CELSR1: variants seen among roughly 807,000 people sequenced by gnomAD.
CELSR1 encodes the protein adhesion G protein-coupled receptor C1.
Under a neutral mutation model 249.1 loss-of-function variants are expected in CELSR1, and 110 were observed. That is an observed-to-expected ratio of 0.44 (90% CI 0.38 to 0.52). The LOEUF is 0.52. Among genes scored for constraint, CELSR1 ranks in the 20% least tolerant of loss-of-function variants. The pLI is 0.00. For missense variants in CELSR1, 4,109 were observed against 4,296.4 expected (o/e 0.96, Z 1.22); for synonymous variants, 2,113 against 1,900.0 (o/e 1.11, Z -2.92).
chr22:46,367,280 TCTGGAGGCCAGGTGGGGGAG>T (rs2078796518), intron 28 of CELSR1, among the ~76,000 whole-genome samples, 162 bp from the exon 29 acceptor site: 1 of 152,228 alleles, frequency 6.6e-6, no homozygotes, highest in South Asian at 2.1e-4. Context: ...ACTGCTGCTA[TCTGGAGGCCAGGTGGGGGAG>T]CTCAGAAACT....
intron 1 of CELSR1, among the ~76,000 whole-genome samples, chr22:46,492,550 G>A (rs1311711359): frequency 2.0e-5 from 3 of 152,096 alleles, no homozygotes; most frequent in East Asian, 1.9e-4. Flanking sequence ...GGGGCCAGGC[G>A]CAGTGGCTCA....
At chr22:46,511,937 G>T (rs966420085) in intron 1 of CELSR1, among the ~76,000 whole-genome samples, 7 of 152,150 alleles carry the variant, frequency 4.6e-5, no homozygotes, top group African/African-American at 1.7e-4. Flanking sequence ...AGCATCCCCT[G>T]CCCGGATGAC....
intron 1 of CELSR1, among the ~76,000 whole-genome samples, chr22:46,515,611 C>CA (rs2080618957): frequency 6.6e-6 from 1 of 152,162 alleles, no homozygotes; most frequent in African/African-American, 2.4e-5. Flanking sequence ...GGACGGGCCT[C>CA]AGTCACACAG....
intron 4 of CELSR1, among the ~76,000 whole-genome samples, chr22:46,435,965 C>T (rs1292512981): frequency 1.3e-5 from 2 of 152,186 alleles, no homozygotes; most frequent in Non-Finnish European, 2.9e-5. Flanking sequence ...TCCCAAAGTG[C>T]TGGGATTACA....
chr22:46,414,013 C>A (rs1200527186), intron 5 of CELSR1, among the ~76,000 whole-genome samples: 1 of 152,178 alleles, frequency 6.6e-6, no homozygotes, highest in African/African-American at 2.4e-5. Flanking sequence ...CTGTAAACTG[C>A]TGCTGGTAAT....
rs1415777556 is a variant in CELSR1 at position 46,439,384 on chromosome 22, G to A, written c.4211C>T (p.Ser1404Leu). 3 of 1,613,406 alleles carry A rather than the reference G, an allele frequency of 1.9e-6. No individual in the cohort carries two copies. Among genetic ancestry groups the A allele is most frequent in the South Asian group, 2.2e-5 (2 of 91,062 alleles). ...GCACACCCCGTTGGCACAGCGGCCT[G>A]AGCGGGCATCCACCTCACAGTGCTC... ...TGEHCEVDAR[S>L]GRCANGVCKN... is the part of the protein sequence containing the mutation. The change falls in exon 3 of 35, where the codon TCA (serine) becomes TTA (leucine). Residue 1404 changes from serine (S) to leucine (L), a missense_variant. This residue lies in a region of CELSR1 where 453 missense variants were observed against 492.0 expected (regional missense o/e 0.92). Transcript: ENST00000674500.
intron 24 of CELSR1, 116 bp from the exon 25 acceptor site, chr22:46,373,173 G>C (rs2078875034): frequency 1.8e-6 from 2 of 1,099,204 alleles, no homozygotes; most frequent in East Asian, 5.5e-5. Flanking sequence ...CTATGTGTCT[G>C]TCCTCAGCTG....
At chr22:46,426,713 T>A (rs1235546363) in intron 5 of CELSR1, among the ~76,000 whole-genome samples, 1 of 152,036 alleles carries the variant, frequency 6.6e-6, no homozygotes, top group Non-Finnish European at 1.5e-5. Context: ...TAGGAGGTGG[T>A]AAAGTCATGA....
Position 46,434,539 on chromosome 22 carries a change from A to G in CELSR1, c.4523-1058T>C, listed in dbSNP as rs2079635448. 6.6e-6 allele frequency among the ~76,000 whole-genome samples: 1 copy of G among 152,368 alleles called. No homozygotes were observed. The highest frequency in any genetic ancestry group is 1.9e-4 in the East Asian group (1 of 5,194). ...TCCCATGGTGGTTGGCTGCTGTTAC[A>G]GGTGCCTCCCTTTCTTTATTGAGTA... On this transcript the variant is annotated intron_variant, in intron 4 of 34. Transcript: ENST00000674500. This position sits in a 1 kb window ranked among gnomAD's most constrained non-coding sequence, Gnocchi z 4.9.
Position 46,397,755 on chromosome 22 carries a change from C to T in CELSR1, c.5620G>A (p.Asp1874Asn), listed in dbSNP as rs141922879. The T allele has an allele frequency of 4.3e-5, 69 of 1,599,952 alleles. No homozygotes were observed. In the African/African-American group the frequency reaches 8.1e-4, roughly 19 times the overall value. The change falls in exon 12 of 35, where the codon GAC becomes AAC. Residue 1874 changes from aspartate (D) to asparagine (N), a missense_variant. Physicochemically the swap from Asp to Asn is conservative, Grantham distance 23. Around this residue, in one of 7 missense-constraint regions of CELSR1, gnomAD observed 1,805 missense variants for 1,831.6 expected, o/e 0.99. Coordinates refer to ENST00000674500, the MANE Select transcript of CELSR1 (RefSeq NM_001378328.1). ...GGACAGGGGCTCGAGGTACAGGGGT[C>T]GTCCACATCACAGCCGTCCTTCACC... ...VRVKDGCDVD[D>N]PCTSSPCPPN...
rs1051719458 is a variant in CELSR1 at position 46,459,501 on chromosome 22, G to A, written c.4183+4206C>T. ...TCTAAGCTGGTAAACCTGGCCGGCC[G>A]TTGACCCTCGAGGGTCTACAGCTGC... is the stretch of plus-strand genomic sequence containing the variant. On this transcript the variant is annotated intron_variant, in intron 2 of 34. Transcript: ENST00000674500. Among the ~76,000 whole-genome samples, 12 of 152,348 alleles carry A rather than the reference G, an allele frequency of 7.9e-5. No individual in the cohort carries two copies. In the South Asian group the frequency reaches 1.4e-3, roughly 18 times the overall value.
Position 46,474,788 on chromosome 22 carries a change from C to CTT in CELSR1, c.3545-10445_3545-10444dup, listed in dbSNP as rs55932520. Among the ~76,000 whole-genome samples the CTT allele has an allele frequency of 1.0e-4, 9 of 89,622 alleles. 1 individual carries two copies. Among genetic ancestry groups the CTT allele is most frequent in the Non-Finnish European group, 1.8e-4 (9 of 50,860 alleles). The allele number at this position is 89,622 out of a possible 152,430, so 58.8% of individuals were successfully genotyped here. A position where few individuals can be genotyped will look rare whatever the true frequency, so the allele number is the denominator to read the frequency against. On this transcript the variant is annotated intron_variant, in intron 1 of 34. Coordinates refer to ENST00000674500, the MANE Select transcript of CELSR1 (RefSeq NM_001378328.1). ...GTGACCATTATTCTACTCTCTACTT[C>CTT]TTTTTTTTTTTTTTTTTTGAGACGG...
intron 1 of CELSR1, among the ~76,000 whole-genome samples, chr22:46,474,834 C>T (rs1039670106): frequency 1.6e-5 from 2 of 122,616 alleles, no homozygotes; most frequent in African/African-American, 6.2e-5. Context: ...TGTCATCCAC[C>T]CTGAACTCAA....
chr22:46,509,098 C>T (rs1048626221), intron 1 of CELSR1, among the ~76,000 whole-genome samples: 1 of 152,214 alleles, frequency 6.6e-6, no homozygotes, highest in Admixed American at 6.5e-5. Context: ...GTATCTGGCA[C>T]CCCTCCAGTG....
rs896143135 is a variant in CELSR1, at chr22:46,429,248, A to G, written c.4611+4145T>C. On this transcript the variant is annotated intron_variant, in intron 5 of 34. Transcript: ENST00000674500. This position sits in a 1 kb window ranked among gnomAD's most constrained non-coding sequence, Gnocchi z 4.1. ...GCAAACACTTAAGCATAATGAGGGC[A>G]AAACCGATTCTCAAGTGGGGAGAAC... Among the ~76,000 whole-genome samples, 5 of 152,204 alleles carry G rather than the reference A, an allele frequency of 3.3e-5. No individual in the cohort carries two copies. The highest frequency in any genetic ancestry group is 6.5e-5 in the Admixed American group (1 of 15,278).
rs2079359900 is a variant in CELSR1, at chr22:46,413,326, G to C, written c.4612-1567C>G. ...GATGGCCAAGTTGCATGACTTCTGG[G>C]GACCCTGGACACCCAGGCAGCACGC... On this transcript the variant is annotated intron_variant, in intron 5 of 34. Transcript: ENST00000674500. The surrounding 1 kb of genome is among the most constrained non-coding windows in gnomAD (Gnocchi z 4.7). Among the ~76,000 whole-genome samples the C allele has an allele frequency of 6.6e-6, 1 of 152,178 alleles. No individual in the cohort carries two copies. Among genetic ancestry groups the C allele is most frequent in the African/African-American group, 2.4e-5 (1 of 41,436 alleles).
intron 3 of CELSR1, among the ~76,000 whole-genome samples, chr22:46,438,687 C>T (rs573013212): frequency 3.1e-4 from 47 of 152,246 alleles, no homozygotes; most frequent in Admixed American, 3.9e-4. Context: ...TCACCAGAGG[C>T]TGGGGAGGGA....
At position 46,399,721 on chromosome 22, in the gene CELSR1, T is replaced by C. The variant is rs763887067; in HGVS notation, c.5408A>G (p.Asp1803Gly). 1 of 1,613,856 alleles carries C rather than the reference T, an allele frequency of 6.2e-7. No individual in the cohort carries two copies. Among genetic ancestry groups the C allele is most frequent in the East Asian group, 2.2e-5 (1 of 44,874 alleles). ...GAGGTGCAGGTGCCAGCTCACCTGG[T>C]CCATCCCATAGTCCAAGGTCATGGT... Reference protein sequence around the residue: ...LVTMTLDYGMDQNKADIGGML... With the variant: ...LVTMTLDYGMGQNKADIGGML... Residue 1803 changes from aspartate to glycine, a missense_variant, in exon 10 of 35, where the codon GAC becomes GGC. Around this residue, in one of 7 missense-constraint regions of CELSR1, gnomAD observed 1,805 missense variants for 1,831.6 expected, o/e 0.99. Transcript: ENST00000674500. This position sits in a 1 kb window ranked among gnomAD's most constrained non-coding sequence, Gnocchi z 5.0.
chr22:46,370,814 G>A (rs2078843662), intron 25 of CELSR1, among the ~76,000 whole-genome samples: 1 of 152,244 alleles, frequency 6.6e-6, no homozygotes, highest in South Asian at 2.1e-4. Flanking sequence ...AGTGACCAGT[G>A]CCTGCAGCTC....
Sources: gnomAD v4.1 joint callset for allele counts (sites outside exome capture counted in the v4.1 genomes callset) on GRCh38, gnomAD v4.1.1 for gene constraint, gnomAD v4.1.1 regional missense constraint, Gnocchi (gnomAD v3.1) non-coding constraint, MANE v1.5 for transcripts, NCBI Gene and HGNC (gene_info 2026-07-23, HGNC 2026-07-21) for gene names.